CIROZ: variants seen among roughly 807,000 people sequenced by gnomAD.
CIROZ encodes the protein ciliated left-right organizer protein containing ZP-N domains.
the CIROZ span, among the ~76,000 whole-genome samples, chr1:10,968,556 G>T: frequency 6.6e-6 from 1 of 152,194 alleles, no homozygotes; most frequent in African/African-American, 2.4e-5. Flanking sequence ...GTCTGAGCTG[G>T]ATGTGCAAAC....
the CIROZ span, chr1:10,948,697 C>G: frequency 1.3e-5 from 20 of 1,593,240 alleles, no homozygotes; most frequent in African/African-American, 2.5e-4. Context: ...GGGAGCGTGG[C>G]TGGAGGTGTG....
At chr1:10,970,490 G>A in the CIROZ span, among the ~76,000 whole-genome samples, 6 of 152,080 alleles carry the variant, frequency 3.9e-5, no homozygotes, top group East Asian at 1.9e-4. Flanking sequence ...TTAGCCAGGC[G>A]TGGTGGCGCA....
At chr1:10,982,047 C>T in the CIROZ span, 2 of 1,537,222 alleles carry the variant, frequency 1.3e-6, no homozygotes, top group Non-Finnish European at 1.7e-6. Context: ...TCCTCAGGCC[C>T]AGCAGCTCTC....
chr1:10,957,126 C>G, the CIROZ span: 1 of 1,544,208 alleles, frequency 6.5e-7, no homozygotes, highest in African/African-American at 1.4e-5. Flanking sequence ...GAAGGGGGGT[C>G]CCCCCTGAGG....
chr1:10,964,972 G>A, the CIROZ span, among the ~76,000 whole-genome samples: 4 of 152,294 alleles, frequency 2.6e-5, no homozygotes, highest in African/African-American at 9.6e-5. Context: ...TTTTACAGAT[G>A]AGGCAGTTGA....
chr1:10,964,915 G>C, the CIROZ span, among the ~76,000 whole-genome samples: 2 of 152,204 alleles, frequency 1.3e-5, no homozygotes, highest in Non-Finnish European at 2.9e-5. Context: ...ACAGGCGTGA[G>C]CCACCAAGCC....
At chr1:10,951,745 A>AATAT in the CIROZ span, among the ~76,000 whole-genome samples, 1,143 of 119,138 alleles carry the variant, frequency 9.6e-3, 24 homozygotes, top group African/African-American at 0.032. Context: ...AAAAAAAAAA[A>AATAT]ATATATATAT....
the CIROZ span, chr1:10,949,186 T>C: frequency 4.1e-6 from 1 of 241,604 alleles, no homozygotes; most frequent in Non-Finnish European, 7.8e-6. Context: ...ATCGTGCCAC[T>C]GGACTCCAGC....
chr1:10,949,799 G>A, the CIROZ span: 24 of 1,563,476 alleles, frequency 1.5e-5, no homozygotes, highest in Middle Eastern at 1.7e-4. Context: ...TGAGGCAGGC[G>A]ACTCTGTTCC....
chr1:10,954,256 C>A, the CIROZ span: 6 of 1,229,180 alleles, frequency 4.9e-6, no homozygotes, highest in South Asian at 4.4e-5. Context: ...GAGATCGAGA[C>A]CATCTGGCTA....
At chr1:10,966,180 G>A in the CIROZ span, among the ~76,000 whole-genome samples, 2 of 152,168 alleles carry the variant, frequency 1.3e-5, no homozygotes, top group African/African-American at 4.8e-5. Context: ...ATCTGAGCTG[G>A]GCGGCCTTTT....
the CIROZ span, among the ~76,000 whole-genome samples, chr1:10,976,508 C>T: frequency 1.2e-4 from 18 of 151,946 alleles, no homozygotes; most frequent in African/African-American, 2.9e-4. Context: ...CATGCCACCA[C>T]GCCCGGCTAA....
At chr1:10,965,391 C>T in the CIROZ span, among the ~76,000 whole-genome samples, 27 of 152,042 alleles carry the variant, frequency 1.8e-4, no homozygotes, top group African/African-American at 4.8e-4. Flanking sequence ...CCAAACTGTG[C>T]GGCTGGTTGT....
the CIROZ span, chr1:10,948,758 A>G: frequency 2.0e-6 from 3 of 1,537,024 alleles, no homozygotes; most frequent in Non-Finnish European, 2.6e-6. Context: ...GACCTCGCTG[A>G]GCTTGCACCA....
chr1:10,958,881 G>A, the CIROZ span: 1 of 859,710 alleles, frequency 1.2e-6, no homozygotes, highest in Non-Finnish European at 1.8e-6. Context: ...GTGCCGCAGG[G>A]TTGTTTGCTC....
the CIROZ span, chr1:10,949,310 T>G: frequency 7.5e-6 from 3 of 399,878 alleles, no homozygotes; most frequent in Non-Finnish European, 4.6e-6. Context: ...CTCCCTCCAT[T>G]TGTGTGCATA....
the CIROZ span, among the ~76,000 whole-genome samples, chr1:10,950,688 G>A: frequency 6.6e-6 from 1 of 152,232 alleles, no homozygotes; most frequent in Admixed American, 6.5e-5. Context: ...GTCTCCAGAT[G>A]TTGCTAAGTG....
the CIROZ span, chr1:10,947,722 G>A: frequency 6.4e-7 from 1 of 1,557,778 alleles, no homozygotes; most frequent in Non-Finnish European, 8.7e-7. Context: ...GGAGGCCTGT[G>A]GCTTTCAGCA....
At chr1:10,976,641 C>T in the CIROZ span, among the ~76,000 whole-genome samples, 1 of 150,878 alleles carries the variant, frequency 6.6e-6, no homozygotes, top group Non-Finnish European at 1.5e-5. Context: ...TGAGCCACCG[C>T]GTCCCGCCCA....
Sources: gnomAD v4.1 joint callset for allele counts (sites outside exome capture counted in the v4.1 genomes callset) on GRCh38, gnomAD v4.1.1 for gene constraint, MANE v1.5 for transcripts, NCBI Gene and HGNC (gene_info 2026-07-23, HGNC 2026-07-21) for gene names.